Variants in COL21A1 observed in about 807,000 individuals in gnomAD.
COL21A1 encodes the protein collagen alpha-1(XXI) chain.
COL21A1 carries 149 observed loss-of-function variants against 137.9 expected under a neutral mutation model. That is an observed-to-expected ratio of 1.08 (90% CI 0.95 to 1.24). The LOEUF is 1.24. Ranked by LOEUF, COL21A1 falls within the 50% of genes most tolerant of loss-of-function variation. The probability of loss-of-function intolerance (pLI) is 0.00; values close to 1 mark genes in which losing one functional copy is unlikely to be tolerated. For synonymous variants in COL21A1, 456 were observed against 391.5 expected, an observed-to-expected ratio of 1.16 and a Z score of -1.95; for missense variants, 1,167 against 1,158.4, an observed-to-expected ratio of 1.01 and a Z score of -0.11.
chr6:56,320,072 C>G (rs1376349851), intron 1 of COL21A1, among the ~76,000 whole-genome samples: 2 of 152,072 alleles, frequency 1.3e-5, no homozygotes. Flanking sequence ...ATAAGTCTCT[C>G]AAAGCAACAC....
chr6:56,349,304 TA>T (rs1350807734), intron 1 of COL21A1, among the ~76,000 whole-genome samples: 1 of 150,956 alleles, frequency 6.6e-6, no homozygotes, highest in Non-Finnish European at 1.5e-5. Context: ...TGTATGTTTT[TA>T]ATAAAGAAAG....
chr6:56,136,687 T>C (rs1157045421), intron 12 of COL21A1, among the ~76,000 whole-genome samples: 4 of 152,202 alleles, frequency 2.6e-5, no homozygotes, highest in Non-Finnish European at 4.4e-5. Context: ...TTTTAAAAAA[T>C]GTCTTTGTGT....
At chr6:56,111,151 CA>C (rs34644083) in intron 16 of COL21A1, among the ~76,000 whole-genome samples, 3,903 of 142,490 alleles carry the variant, frequency 0.027, 127 homozygotes, top group African/African-American at 0.082. Flanking sequence ...TATCCTTTTC[CA>C]AAAAAAAAAA....
chr6:56,311,215 C>G (rs891852979), intron 1 of COL21A1, among the ~76,000 whole-genome samples: 2 of 152,148 alleles, frequency 1.3e-5, no homozygotes, highest in African/African-American at 2.4e-5. Flanking sequence ...ATAGCATAAA[C>G]CAGAGATTAC....
At chr6:56,115,082 A>T (rs1771800270) in intron 16 of COL21A1, among the ~76,000 whole-genome samples, 1 of 150,846 alleles carries the variant, frequency 6.6e-6, no homozygotes, top group Non-Finnish European at 1.5e-5. Flanking sequence ...ATTCTCACTC[A>T]TAGGTGGGAA....
At chr6:56,352,954 T>A (rs1420709105) in intron 1 of COL21A1, among the ~76,000 whole-genome samples, 1 of 151,968 alleles carries the variant, frequency 6.6e-6, no homozygotes, top group African/African-American at 2.4e-5. Context: ...GGCAGGAGAA[T>A]CACTTGAATC....
chr6:56,281,070 A>C (rs1763776990), intron 1 of COL21A1, among the ~76,000 whole-genome samples: 1 of 152,132 alleles, frequency 6.6e-6, no homozygotes, highest in Non-Finnish European at 1.5e-5. Context: ...TGTCCATCCT[A>C]CTACACCACA....
chr6:56,190,016 T>C (rs1423855145), intron 1 of COL21A1, among the ~76,000 whole-genome samples: 4 of 151,880 alleles, frequency 2.6e-5, no homozygotes, highest in African/African-American at 4.8e-5. Context: ...TGCAAAAACA[T>C]ACACAATTGT....
At chr6:56,141,056 A>G (rs1008467084) in intron 12 of COL21A1, among the ~76,000 whole-genome samples, 16 of 152,182 alleles carry the variant, frequency 1.1e-4, no homozygotes, top group African/African-American at 3.4e-4. Context: ...TTTAAGATGT[A>G]CAAATGAAAT....
chr6:56,084,221 T>A (rs146949312), intron 17 of COL21A1, among the ~76,000 whole-genome samples: 71 of 151,150 alleles, frequency 4.7e-4, no homozygotes, highest in Admixed American at 1.1e-3. Context: ...AGAAAAAATA[T>A]ATATATATAA....
At chr6:56,324,401 T>G (rs1054378821) in intron 1 of COL21A1, among the ~76,000 whole-genome samples, 1 of 152,052 alleles carries the variant, frequency 6.6e-6, no homozygotes, top group Non-Finnish European at 1.5e-5. Flanking sequence ...ACCAAATCAG[T>G]GTCCAGTTGC....
At chr6:56,064,435 A>G (rs1159349431) in intron 24 of COL21A1, 143 bp downstream of exon 24, 3 of 551,980 alleles carry the variant, frequency 5.4e-6, no homozygotes. Context: ...CACACTACCT[A>G]CATGTTCAAC....
chr6:56,129,071 T>C lies in COL21A1; in HGVS notation c.1543-2922A>G, dbSNP rs567018914. On this transcript the variant is annotated intron_variant, in intron 12 of 29. Transcript: ENST00000244728. Reference sequence around the variant, plus strand: ...TGTTTCTGCTACGGTGGAGGACAGATTCACTTGGCTACACAGAGTTGAGGA... The same window carrying C: ...TGTTTCTGCTACGGTGGAGGACAGACTCACTTGGCTACACAGAGTTGAGGA... 1.3e-4 allele frequency among the ~76,000 whole-genome samples: 20 copies of C among 152,324 alleles called. No individual in the cohort carries two copies. The South Asian group carries it at 4.1e-3, about 32-fold the overall frequency.
intron 10 of COL21A1, among the ~76,000 whole-genome samples, chr6:56,147,560 AC>A: frequency 1.3e-5 from 2 of 152,082 alleles, no homozygotes; most frequent in African/African-American, 4.8e-5. Flanking sequence ...GCCTACATTC[AC>A]ATGCACAAAC....
chr6:56,238,660 G>A (rs2152323060), intron 1 of COL21A1, among the ~76,000 whole-genome samples: 1 of 152,062 alleles, frequency 6.6e-6, no homozygotes, highest in African/African-American at 2.4e-5. Flanking sequence ...CCACTGCCCT[G>A]CCACCTTCAG....
At chr6:56,326,847 G>T (rs1397092797) in intron 1 of COL21A1, among the ~76,000 whole-genome samples, 2 of 151,984 alleles carry the variant, frequency 1.3e-5, no homozygotes, top group African/African-American at 4.8e-5. Flanking sequence ...GGCAACACAG[G>T]ACTGATTTAG....
intron 1 of COL21A1, among the ~76,000 whole-genome samples, chr6:56,237,986 G>A (rs1782023690): frequency 6.6e-6 from 1 of 152,016 alleles, no homozygotes; most frequent in Admixed American, 6.6e-5. Context: ...AGACTACGTG[G>A]TTAGTCTAAA....
At chr6:56,099,437 C>T (rs921185841) in intron 17 of COL21A1, among the ~76,000 whole-genome samples, 2 of 151,476 alleles carry the variant, frequency 1.3e-5, no homozygotes, top group East Asian at 3.9e-4. Context: ...GGGGTTTCAC[C>T]GTGTTAGCCA....
chr6:56,280,038 C>T (rs1426235540), intron 1 of COL21A1, among the ~76,000 whole-genome samples: 2 of 152,114 alleles, frequency 1.3e-5, no homozygotes, highest in Admixed American at 1.3e-4. Flanking sequence ...AAAAAGCTAC[C>T]ATCTTTCACT....
Sources: gnomAD v4.1 joint callset for allele counts (sites outside exome capture counted in the v4.1 genomes callset) on GRCh38, gnomAD v4.1.1 for gene constraint, MANE v1.5 for transcripts, NCBI Gene and HGNC (gene_info 2026-07-23, HGNC 2026-07-21) for gene names.